Variants in CPA6 observed in about 807,000 individuals in gnomAD.
CPA6 encodes carboxypeptidase A6.
A neutral mutation model predicts 63.3 loss-of-function variants in CPA6; 58 were observed. The ratio of observed to expected loss-of-function variants is 0.92; its 90% confidence interval spans 0.74 to 1.14. The LOEUF is 1.14. CPA6 is among the 50% of genes most tolerant of loss of function. The probability of loss-of-function intolerance (pLI) is 0.00; values close to 1 mark genes in which losing one functional copy is unlikely to be tolerated. For missense variants in CPA6, 565 were observed against 526.6 expected (o/e 1.07, Z -0.71); for synonymous variants, 185 against 179.0 (o/e 1.03, Z -0.27).
At chr8:67,705,101 G>C (rs902704744) in intron 1 of CPA6, among the ~76,000 whole-genome samples, 7 of 152,128 alleles carry the variant, frequency 4.6e-5, no homozygotes, top group Non-Finnish European at 8.8e-5. Flanking sequence ...TACCCTCCCA[G>C]GTAACTGCCA....
At chr8:67,491,958 C>T (rs1811615379) in intron 6 of CPA6, among the ~76,000 whole-genome samples, 1 of 152,172 alleles carries the variant, frequency 6.6e-6, no homozygotes, top group Admixed American at 6.5e-5. Context: ...TACACACAGA[C>T]AGCAAAGTGT....
At chr8:67,435,344 G>C (rs980286853) in intron 8 of CPA6, among the ~76,000 whole-genome samples, 10 of 151,958 alleles carry the variant, frequency 6.6e-5, no homozygotes, top group African/African-American at 2.4e-4. Flanking sequence ...TGGCAGAAGG[G>C]ACCCCTTGGA....
chr8:67,690,268 AT>A (rs1394048356), intron 1 of CPA6, among the ~76,000 whole-genome samples: 1 of 152,152 alleles, frequency 6.6e-6, no homozygotes, highest in Non-Finnish European at 1.5e-5. Context: ...TAGAATTCTC[AT>A]TTTTTAGAAT....
chr8:67,652,596 T>C (rs1393874466), intron 1 of CPA6, among the ~76,000 whole-genome samples: 2 of 151,306 alleles, frequency 1.3e-5, no homozygotes, highest in Non-Finnish European at 3.0e-5. Context: ...GGTTGTTTTT[T>C]TCTTGTAAAT....
chr8:67,625,520 C>T (rs1439645472), intron 1 of CPA6, among the ~76,000 whole-genome samples: 2 of 152,182 alleles, frequency 1.3e-5, no homozygotes, highest in Non-Finnish European at 2.9e-5. Context: ...TTGGGAAGCA[C>T]AGCTCTAGCA....
At chr8:67,430,183 T>G (rs986007713) in intron 9 of CPA6, among the ~76,000 whole-genome samples, 3 of 68,600 alleles carry the variant, frequency 4.4e-5, no homozygotes, top group African/African-American at 3.5e-4. Flanking sequence ...ATATATTTTG[T>G]TTTTTTTTTT....
intron 2 of CPA6, among the ~76,000 whole-genome samples, chr8:67,556,580 C>G (rs748238449): frequency 3.9e-5 from 6 of 152,206 alleles, no homozygotes; most frequent in Non-Finnish European, 8.8e-5. Context: ...CCAACCCTCA[C>G]TCAGAAGTGG....
At chr8:67,738,108 GT>G (rs1360703275) in intron 1 of CPA6, among the ~76,000 whole-genome samples, 3 of 152,026 alleles carry the variant, frequency 2.0e-5, no homozygotes, top group African/African-American at 7.3e-5. Flanking sequence ...AAAAAAACAA[GT>G]GAAAGGGAGA....
chr8:67,641,610 T>C (rs1815593380), intron 1 of CPA6, among the ~76,000 whole-genome samples: 1 of 152,266 alleles, frequency 6.6e-6, no homozygotes, highest in South Asian at 2.1e-4. Context: ...GAGAGTCTAT[T>C]CTGTTTCTAA....
intron 1 of CPA6, among the ~76,000 whole-genome samples, chr8:67,677,172 C>T (rs577277969): frequency 1.3e-3 from 203 of 152,126 alleles, no homozygotes; most frequent in Non-Finnish European, 2.1e-3. Context: ...TAATTCTTGC[C>T]GTGTCACAGC....
intron 1 of CPA6, among the ~76,000 whole-genome samples, chr8:67,744,965 C>T (rs1817980816): frequency 6.6e-6 from 1 of 152,216 alleles, no homozygotes; most frequent in South Asian, 2.1e-4. Flanking sequence ...ACCCTAAAGG[C>T]AGTGCCAAGA....
rs549251134 is a variant in CPA6 at position 67,640,189 on chromosome 8, T to C, written c.117-15938A>G. On this transcript the variant is annotated intron_variant, in intron 1 of 10. Transcript: ENST00000297770. ...GGGAGCCTGGCCCCCAGGCTTCGGC[T>C]CCCCCCAGCTTGGAGGTGGGGCTTC... Among the ~76,000 whole-genome samples, 12 of 150,392 alleles carry C rather than the reference T, an allele frequency of 8.0e-5. No homozygotes were observed. In the South Asian group the frequency reaches 2.5e-3, roughly 32 times the overall value.
chr8:67,620,753 CA>C (rs759246178), intron 2 of CPA6, among the ~76,000 whole-genome samples: 7 of 152,230 alleles, frequency 4.6e-5, no homozygotes, highest in Non-Finnish European at 7.4e-5. Context: ...TATCGAAACT[CA>C]ATATCTCCAA....
At chr8:67,478,263 G>A (rs981536249) in intron 8 of CPA6, among the ~76,000 whole-genome samples, 1 of 152,192 alleles carries the variant, frequency 6.6e-6, no homozygotes, top group Non-Finnish European at 1.5e-5. Context: ...GAAAGGGCAC[G>A]GAGCTTTCAT....
intron 8 of CPA6, among the ~76,000 whole-genome samples, chr8:67,475,912 TTC>T (rs1411134228): frequency 9.8e-6 from 1 of 102,110 alleles, no homozygotes; most frequent in African/African-American, 4.7e-5. Flanking sequence ...CTTTCTTTCT[TTC>T]TTTCTTTCTT....
At chr8:67,539,767 C>G (rs1004905699) in intron 2 of CPA6, among the ~76,000 whole-genome samples, 3 of 152,026 alleles carry the variant, frequency 2.0e-5, no homozygotes, top group African/African-American at 7.2e-5. Context: ...TCTCTGGTAT[C>G]CTTTCTTTTG....
chr8:67,433,337 A>G (rs938854289), intron 9 of CPA6, among the ~76,000 whole-genome samples: 1 of 152,162 alleles, frequency 6.6e-6, no homozygotes, highest in Admixed American at 6.5e-5. Context: ...AGGCTTTTAG[A>G]TGCTATAGGC....
chr8:67,480,307 C>A (rs1018900925), intron 8 of CPA6, among the ~76,000 whole-genome samples: 1 of 151,932 alleles, frequency 6.6e-6, no homozygotes, highest in Non-Finnish European at 1.5e-5. Flanking sequence ...GTTTTCATCA[C>A]CCCCAAAAGA....
chr8:67,471,529 T>C (rs1246597960), intron 8 of CPA6, among the ~76,000 whole-genome samples: 1 of 152,186 alleles, frequency 6.6e-6, no homozygotes, highest in Non-Finnish European at 1.5e-5. Flanking sequence ...TTTGTTTGTT[T>C]GTTTTGTTTT....
Sources: gnomAD v4.1 joint callset for allele counts (sites outside exome capture counted in the v4.1 genomes callset) on GRCh38, gnomAD v4.1.1 for gene constraint, MANE v1.5 for transcripts, NCBI Gene and HGNC (gene_info 2026-07-23, HGNC 2026-07-21) for gene names.